The following B3GALT1 variants were observed in gnomAD, a reference collection of about 807,000 sequenced individuals.
B3GALT1 encodes the protein beta-1,3-galactosyltransferase 1.
A neutral mutation model predicts 23.2 loss-of-function variants in B3GALT1; 10 were observed. The observed-to-expected ratio is 0.43, with a 90% confidence interval of 0.27 to 0.73. The LOEUF (loss-of-function observed/expected upper bound fraction) is 0.73, where lower values mean the gene tolerates loss of function less well. Ranked by LOEUF, B3GALT1 falls within the 30% of genes least tolerant of loss-of-function variation. The probability of loss-of-function intolerance (pLI) is 0.21; values close to 1 mark genes in which losing one functional copy is unlikely to be tolerated. For missense variants in B3GALT1, 299 were observed against 405.4 expected, an observed-to-expected ratio of 0.74 and a Z score of 2.25; for synonymous variants, 156 against 141.5, an observed-to-expected ratio of 1.10 and a Z score of -0.73.
rs534463777 is a variant in B3GALT1, at chr2:167,775,864, C to T, written c.-351-42808C>T. Among the ~76,000 whole-genome samples, 3 of 152,126 alleles carry T rather than the reference C, an allele frequency of 2.0e-5. No homozygotes were observed. The East Asian group carries it at 5.8e-4, about 29-fold the overall frequency. ...TACAGAGCTTTACTCCAGGAACTGT[C>T]AAATACAGAGCTCTACTCCGGGAAC... On this transcript the variant is annotated intron_variant, in intron 3 of 4. Transcript: ENST00000392690.
intron 3 of B3GALT1, among the ~76,000 whole-genome samples, chr2:167,692,457 A>G (rs1288616262): frequency 2.0e-5 from 3 of 152,128 alleles, no homozygotes; most frequent in Non-Finnish European, 2.9e-5. Context: ...CCATGATATT[A>G]GTATATGTGT....
At chr2:167,617,388 A>G (rs945954998) in intron 2 of B3GALT1, among the ~76,000 whole-genome samples, 5 of 152,094 alleles carry the variant, frequency 3.3e-5, no homozygotes, top group African/African-American at 4.8e-5. Context: ...AATGGCAAAG[A>G]GACATGGTAT....
chr2:167,343,149 G>A (rs926116226), intron 1 of B3GALT1, among the ~76,000 whole-genome samples: 8 of 152,124 alleles, frequency 5.3e-5, no homozygotes, highest in African/African-American at 1.4e-4. Flanking sequence ...CACTTTAAGT[G>A]GGAAGCAGGT....
intron 2 of B3GALT1, among the ~76,000 whole-genome samples, chr2:167,554,787 G>T (rs552893464): frequency 6.6e-6 from 1 of 152,182 alleles, no homozygotes; most frequent in African/African-American, 2.4e-5. Context: ...CAAAATTAAC[G>T]TTTGGATTAC....
intron 3 of B3GALT1, among the ~76,000 whole-genome samples, chr2:167,648,822 A>G (rs1281146749): frequency 6.6e-6 from 1 of 152,040 alleles, no homozygotes; most frequent in Non-Finnish European, 1.5e-5. Flanking sequence ...CATTAGATTG[A>G]CTACTACTGG....
chr2:167,563,893 G>A (rs1201527366), intron 2 of B3GALT1, among the ~76,000 whole-genome samples: 9 of 2,540 alleles, frequency 3.5e-3, no homozygotes, highest in Non-Finnish European at 5.9e-3. Flanking sequence ...CGGGGCGGCC[G>A]GCCGGGCGGG....
intron 1 of B3GALT1, among the ~76,000 whole-genome samples, chr2:167,423,900 T>C (rs1698586026): frequency 2.6e-5 from 4 of 152,198 alleles, no homozygotes; most frequent in Non-Finnish European, 5.9e-5. Flanking sequence ...CCTGGGGAGA[T>C]ACTCAATAAA....
At chr2:167,321,409 TA>T (rs1696808193) in intron 1 of B3GALT1, among the ~76,000 whole-genome samples, 1 of 152,050 alleles carries the variant, frequency 6.6e-6, no homozygotes, top group African/African-American at 2.4e-5. Flanking sequence ...TTGCTATATA[TA>T]AAATGTCTGT....
chr2:167,707,430 TC>T (rs1686982213), intron 3 of B3GALT1, among the ~76,000 whole-genome samples: 1 of 152,088 alleles, frequency 6.6e-6, no homozygotes, highest in Non-Finnish European at 1.5e-5. Flanking sequence ...CTAACATGAG[TC>T]TCCATGAGCT....
intron 3 of B3GALT1, among the ~76,000 whole-genome samples, chr2:167,684,720 G>A (rs979475882): frequency 2.0e-5 from 3 of 152,162 alleles, no homozygotes; most frequent in African/African-American, 7.2e-5. Context: ...ATTCTAAGCA[G>A]ATTATTTTAA....
At chr2:167,364,898 C>G (rs1237544904) in intron 1 of B3GALT1, among the ~76,000 whole-genome samples, 3 of 152,160 alleles carry the variant, frequency 2.0e-5, no homozygotes, top group Non-Finnish European at 4.4e-5. Context: ...CCACTGTTAT[C>G]TCTGGGAGTG....
intron 1 of B3GALT1, among the ~76,000 whole-genome samples, chr2:167,477,962 ATTGATATTTTG>A (rs1411609920): frequency 6.6e-6 from 1 of 152,256 alleles, no homozygotes; most frequent in Admixed American, 6.5e-5. Flanking sequence ...TTCAAACAAG[ATTGATATTTTG>A]TTATATTTTG....
intron 3 of B3GALT1, among the ~76,000 whole-genome samples, chr2:167,753,870 G>GA (rs1424051197): frequency 2.6e-5 from 4 of 152,140 alleles, no homozygotes; most frequent in Admixed American, 2.6e-4. Flanking sequence ...TTTGCACTGT[G>GA]ATAAACTGGG....
chr2:167,670,932 A>G (rs1253845740), intron 3 of B3GALT1, among the ~76,000 whole-genome samples: 1 of 152,160 alleles, frequency 6.6e-6, no homozygotes. Context: ...AAATTATGGG[A>G]GTTCCAGAGG....
intron 3 of B3GALT1, among the ~76,000 whole-genome samples, chr2:167,668,527 T>C (rs1686255320): frequency 1.3e-5 from 2 of 152,158 alleles, no homozygotes; most frequent in Non-Finnish European, 1.5e-5. Context: ...GCCTGGGCAA[T>C]GGCGGGCACC....
At chr2:167,529,750 C>T (rs1217155221) in intron 2 of B3GALT1, among the ~76,000 whole-genome samples, 3 of 151,622 alleles carry the variant, frequency 2.0e-5, no homozygotes, top group South Asian at 2.1e-4. Flanking sequence ...CAAAATATAT[C>T]GAGAGCTTAA....
At chr2:167,800,513 A>G (rs1182286092) in intron 3 of B3GALT1, among the ~76,000 whole-genome samples, 1 of 152,208 alleles carries the variant, frequency 6.6e-6, no homozygotes, top group Admixed American at 6.5e-5. Flanking sequence ...AGATATACAA[A>G]TACAATTAAG....
intron 2 of B3GALT1, among the ~76,000 whole-genome samples, chr2:167,613,690 A>G (rs1018551673): frequency 6.6e-6 from 1 of 151,806 alleles, no homozygotes; most frequent in African/African-American, 2.4e-5. Context: ...TCTGTGCTTT[A>G]TCTCTTAGAA....
At chr2:167,541,395 G>C (rs1329908131) in intron 2 of B3GALT1, among the ~76,000 whole-genome samples, 1 of 152,094 alleles carries the variant, frequency 6.6e-6, no homozygotes, top group Non-Finnish European at 1.5e-5. Context: ...GTAAATTGAA[G>C]TTGTAAAATT....
Sources: allele counts gnomAD v4.1 joint callset (sites outside exome capture counted in the v4.1 genomes callset), GRCh38; gene constraint gnomAD v4.1.1; transcripts MANE v1.5; gene names NCBI Gene and HGNC (gene_info 2026-07-23, HGNC 2026-07-21).